The following RIC8B variants were observed in gnomAD, a reference collection of about 807,000 sequenced individuals.
RIC8B encodes the protein RIC8 guanine nucleotide exchange factor B.
A neutral mutation model predicts 57.5 loss-of-function variants in RIC8B; 16 were observed. That is an observed-to-expected ratio of 0.28 (90% CI 0.19 to 0.42). The LOEUF is 0.42. RIC8B is among the 10% of genes least tolerant of loss of function. The probability of loss-of-function intolerance (pLI) is 1.00; values close to 1 mark genes in which losing one functional copy is unlikely to be tolerated. For synonymous variants in RIC8B, 216 were observed against 250.8 expected (o/e 0.86, Z 1.31); for missense variants, 481 against 677.0 (o/e 0.71, Z 3.21).
At chr12:106,850,951 A>G (rs1243502679) in intron 6 of RIC8B, among the ~76,000 whole-genome samples, 2 of 152,110 alleles carry the variant, frequency 1.3e-5, no homozygotes, top group Admixed American at 1.3e-4. Flanking sequence ...ATAACACGAG[A>G]TATTTCAAAA....
intron 9 of RIC8B, among the ~76,000 whole-genome samples, chr12:106,877,263 A>G (rs1950707138): frequency 6.6e-6 from 1 of 152,184 alleles, no homozygotes; most frequent in African/African-American, 2.4e-5. Context: ...GATTAAATGC[A>G]CCAAAGATTA....
chr12:106,879,069 A>C lies in RIC8B; in HGVS notation c.1572-6835A>C, dbSNP rs1460863843. 1.0e-6 allele frequency: 1 copy of C among 985,604 alleles called. No individual in the cohort carries two copies. The highest frequency in any genetic ancestry group is 1.2e-6 in the Non-Finnish European group (1 of 829,898). The allele number at this position is 985,604 out of a possible 1,614,324, so 61.1% of individuals were successfully genotyped here. ...AAGAAGAGCCCTTGAAAACAAGGGAATGATTTTTGAGTCGTTATCAAGCTA... is the reference window on the plus strand; with the variant it reads ...AAGAAGAGCCCTTGAAAACAAGGGACTGATTTTTGAGTCGTTATCAAGCTA... On this transcript the variant is annotated intron_variant, in intron 9 of 9. Transcript: ENST00000392837. This position sits in a 1 kb window ranked among gnomAD's most constrained non-coding sequence, Gnocchi z 4.9.
intron 6 of RIC8B, among the ~76,000 whole-genome samples, chr12:106,848,364 G>A (rs1466967271): frequency 6.6e-6 from 1 of 152,206 alleles, no homozygotes; most frequent in Non-Finnish European, 1.5e-5. Context: ...GAAGTTGTAA[G>A]GACCTTGCCT....
At chr12:106,777,023 A>G (rs944960711) in intron 1 of RIC8B, among the ~76,000 whole-genome samples, 3 of 152,148 alleles carry the variant, frequency 2.0e-5, no homozygotes, top group African/African-American at 7.2e-5. Flanking sequence ...GCACTGGGCT[A>G]ACTTTTTAAA....
chr12:106,816,246 C>T (rs2045570204), intron 3 of RIC8B, among the ~76,000 whole-genome samples: 3 of 152,144 alleles, frequency 2.0e-5, no homozygotes. Context: ...ACATTTGAAA[C>T]ACTTCTCACC....
chr12:106,844,023 T>A (rs1593283261), intron 6 of RIC8B, 76 bp downstream of exon 6: 1 of 1,015,530 alleles, frequency 9.8e-7, no homozygotes, highest in East Asian at 2.5e-5. Flanking sequence ...AATTGAATTT[T>A]CTCACAATGA....
intron 5 of RIC8B, among the ~76,000 whole-genome samples, chr12:106,843,475 A>AACTT (rs1203726972): frequency 6.6e-6 from 1 of 152,160 alleles, no homozygotes; most frequent in East Asian, 1.9e-4. Flanking sequence ...AAGCTTAGGT[A>AACTT]ACATAAGATG....
At chr12:106,811,800 G>C (rs1417370468) in intron 2 of RIC8B, among the ~76,000 whole-genome samples, 2 of 151,446 alleles carry the variant, frequency 1.3e-5, no homozygotes, top group Non-Finnish European at 1.5e-5. Flanking sequence ...GGAGAGCAGA[G>C]CATGTTTTAG....
chr12:106,871,544 C>G (rs1484218345), intron 9 of RIC8B: 1 of 145,908 alleles, frequency 6.9e-6, no homozygotes, highest in Non-Finnish European at 1.5e-5. Context: ...CCTTCCCCTT[C>G]AAAAATAACC....
chr12:106,867,962 G>A lies in RIC8B; in HGVS notation c.1452-2861G>A, dbSNP rs1046623272. 2.0e-5 allele frequency among the ~76,000 whole-genome samples: 3 copies of A among 152,122 alleles called. No individual in the cohort carries two copies. The highest frequency in any genetic ancestry group is 7.2e-5 in the African/African-American group (3 of 41,422). ...TCTTACTCTGTAAGAATGAATTTCT[G>A]CCTTCTGCTTTTATACTCAGATAGC... On this transcript the variant is annotated intron_variant, in intron 8 of 9. Coordinates refer to ENST00000392837, the MANE Select transcript of RIC8B (RefSeq NM_001330145.2). This position sits in a 1 kb window ranked among gnomAD's most constrained non-coding sequence, Gnocchi z 4.3.
chr12:106,881,821 G>A (rs1027144305), intron 9 of RIC8B, among the ~76,000 whole-genome samples: 1 of 152,096 alleles, frequency 6.6e-6, no homozygotes, highest in Non-Finnish European at 1.5e-5. Flanking sequence ...AGTTAGGATG[G>A]GGGTATGAGA....
At chr12:106,839,465 C>G (rs1324705787) in intron 4 of RIC8B, among the ~76,000 whole-genome samples, 1 of 152,080 alleles carries the variant, frequency 6.6e-6, no homozygotes, top group African/African-American at 2.4e-5. Flanking sequence ...CATGATCCCA[C>G]TTTTATGAGG....
At chr12:106,852,198 A>G (rs1232118771) in intron 7 of RIC8B, among the ~76,000 whole-genome samples, 2 of 152,232 alleles carry the variant, frequency 1.3e-5, no homozygotes, top group Non-Finnish European at 1.5e-5. Flanking sequence ...TAGATCCAAC[A>G]ATTAAAGATA....
rs536537796 is a variant in RIC8B at position 106,871,483 on chromosome 12, A to C, written c.1571+541A>C. 17 of 141,444 alleles carry C rather than the reference A, an allele frequency of 1.2e-4. No homozygotes were observed. In the South Asian group the frequency reaches 3.4e-3, roughly 29 times the overall value. 8.8% of individuals were successfully genotyped at this position (141,444 alleles called of 1,614,324 possible). A position where few individuals can be genotyped will look rare whatever the true frequency, so the allele number is the denominator to read the frequency against. On this transcript the variant is annotated intron_variant, in intron 9 of 9. Transcript: ENST00000392837. ...TAATTAGGAGTTCTAAAAAAAAAAA[A>C]AAAAAAAAAAAAAAACCAAAAAACT...
chr12:106,859,158 C>A (rs1347268159), intron 7 of RIC8B, among the ~76,000 whole-genome samples: 5 of 152,132 alleles, frequency 3.3e-5, no homozygotes, highest in African/African-American at 9.7e-5. Flanking sequence ...ATTTTAACAA[C>A]ATTCTGTTAA....
intron 2 of RIC8B, among the ~76,000 whole-genome samples, chr12:106,805,085 G>A (rs963136154): frequency 5.3e-5 from 8 of 152,140 alleles, no homozygotes; most frequent in African/African-American, 9.7e-5. Context: ...GGGGGATCGG[G>A]CCCCTTCCTG....
chr12:106,878,862 AT>A, intron 9 of RIC8B: 1 of 504,544 alleles, frequency 2.0e-6, no homozygotes, highest in Non-Finnish European at 2.6e-6. Flanking sequence ...ATAGAACAAA[AT>A]ATGTTACATA....
chr12:106,844,468 C>G (rs988437957), intron 6 of RIC8B, among the ~76,000 whole-genome samples: 1 of 152,128 alleles, frequency 6.6e-6, no homozygotes, highest in Admixed American at 6.5e-5. Context: ...GCAAGAAGGC[C>G]TGTGTGACTA....
At chr12:106,868,763 CTAGACA>C (rs1348199689) in intron 8 of RIC8B, among the ~76,000 whole-genome samples, 1 of 113,178 alleles carries the variant, frequency 8.8e-6, no homozygotes, top group Non-Finnish European at 1.8e-5. Context: ...AGCAGGCACT[CTAGACA>C]CACACACACA....
Sources: allele counts gnomAD v4.1 joint callset (sites outside exome capture counted in the v4.1 genomes callset), GRCh38; gene constraint gnomAD v4.1.1; non-coding constraint Gnocchi (gnomAD v3.1); transcripts MANE v1.5; gene names NCBI Gene and HGNC (gene_info 2026-07-23, HGNC 2026-07-21).